Variants in IL1RAPL1 observed in about 807,000 individuals in gnomAD.
IL1RAPL1 encodes interleukin 1 receptor accessory protein like 1, also known as interleukin-1 receptor accessory protein-like 1.
Under a neutral mutation model 48.4 loss-of-function variants are expected in IL1RAPL1, and 3 were observed. The observed-to-expected ratio is 0.06, with a 90% confidence interval of 0.03 to 0.16. IL1RAPL1 has a LOEUF of 0.16. Among genes scored for constraint, IL1RAPL1 ranks in the 10% least tolerant of loss-of-function variants. The pLI is 1.00. For missense variants in IL1RAPL1, 349 were observed against 530.6 expected, an observed-to-expected ratio of 0.66 and a Z score of 3.36; for synonymous variants, 185 against 187.7, an observed-to-expected ratio of 0.99 and a Z score of 0.12.
intron 2 of IL1RAPL1, among the ~76,000 whole-genome samples, chrX:29,048,796 A>G (rs1278096029): frequency 8.9e-6 from 1 of 112,220 alleles, no homozygotes; most frequent in Non-Finnish European, 1.9e-5. Context: ...TTTTTATCAA[A>G]TGTAAGATGC....
At chrX:28,954,365 G>A (rs1398007986) in intron 2 of IL1RAPL1, among the ~76,000 whole-genome samples, 5 of 110,281 alleles carry the variant, frequency 4.5e-5, no homozygotes, top group African/African-American at 1.6e-4. Context: ...TATCATTTTA[G>A]CACTTCAGAA....
At chrX:28,967,123 C>G (rs1475944204) in intron 2 of IL1RAPL1, among the ~76,000 whole-genome samples, 2 of 111,970 alleles carry the variant, frequency 1.8e-5, no homozygotes, top group African/African-American at 6.5e-5. Flanking sequence ...TGCCCAGTTA[C>G]ATGAACACTG....
intron 6 of IL1RAPL1, among the ~76,000 whole-genome samples, chrX:29,814,099 A>G (rs766528279): frequency 4.5e-5 from 5 of 111,960 alleles, no homozygotes; most frequent in Non-Finnish European, 7.5e-5. Flanking sequence ...TCCTTTGGGC[A>G]TATACCCAGT....
rs1251136483 is a variant in IL1RAPL1 at position 29,941,787 on chromosome X, C to T, written c.1194C>T (p.Leu398=). 1 of 1,202,869 alleles carries T rather than the reference C, an allele frequency of 8.3e-7. No homozygotes were observed. The highest frequency in any genetic ancestry group is 1.1e-6 in the Non-Finnish European group (1 of 889,269). ...GGAATCATTTTGGAGCTGAAGAGCT[C>T]GATGGAGGTAGGATGTTACCTCTTT... ...FYRNHFGAEE[L]DGDNKDYDAY... Residue 398 remains leucine, a synonymous_variant, in exon 9 of 11, where the codon CTC becomes CTT. Transcript: ENST00000378993.
chrX:29,310,969 G>GT (rs1308968701), intron 3 of IL1RAPL1, among the ~76,000 whole-genome samples: 1 of 111,398 alleles, frequency 9.0e-6, no homozygotes, highest in African/African-American at 3.3e-5. Context: ...CTAAATTGGT[G>GT]TTTTTTTCCC....
chrX:28,657,058 C>T (rs1469014042), intron 1 of IL1RAPL1, among the ~76,000 whole-genome samples: 1 of 109,694 alleles, frequency 9.1e-6, no homozygotes, highest in Non-Finnish European at 1.9e-5. Flanking sequence ...ATTTTACACC[C>T]CTACCAGACT....
At chrX:29,738,135 A>G (rs986949587) in intron 6 of IL1RAPL1, among the ~76,000 whole-genome samples, 4 of 112,140 alleles carry the variant, frequency 3.6e-5, no homozygotes, top group Non-Finnish European at 7.5e-5. Flanking sequence ...CTTCCAGGCT[A>G]CTTTGCGAAT....
At position 29,168,571 on chromosome X, in the gene IL1RAPL1, ACACACACAATTG is replaced by A. The variant is rs1342500578; in HGVS notation, c.83-114366_83-114355del. Among the ~76,000 whole-genome samples the A allele has an allele frequency of 5.6e-4, 53 of 94,048 alleles. 1 individual carries two copies. The highest frequency in any genetic ancestry group is 9.8e-4 in the East Asian group (3 of 3,064). 81.7% of individuals were successfully genotyped at this position (94,048 alleles called of 115,157 possible). A position where few individuals can be genotyped will look rare whatever the true frequency, so the allele number is the denominator to read the frequency against. On this transcript the variant is annotated intron_variant, in intron 2 of 10. Coordinates refer to ENST00000378993, the MANE Select transcript of IL1RAPL1 (RefSeq NM_014271.4). ...TATTCAATTGTATATATATATATATACACACACAATTGTATATATATATTCATATATACAATT... is the reference window on the plus strand; with the variant it reads ...TATTCAATTGTATATATATATATATATATATATATATTCATATATACAATT...
chrX:29,767,774 A>T (rs6526926), intron 6 of IL1RAPL1, among the ~76,000 whole-genome samples: 1 of 111,282 alleles, frequency 9.0e-6, no homozygotes, highest in African/African-American at 3.3e-5. Flanking sequence ...AAAACTGCGC[A>T]GTAAACTTCT....
intron 2 of IL1RAPL1, among the ~76,000 whole-genome samples, chrX:29,281,159 T>C (rs1263375360): frequency 9.0e-6 from 1 of 111,678 alleles, no homozygotes; most frequent in East Asian, 2.8e-4. Context: ...AGCTGTTAGA[T>C]TGCCCTCTTA....
intron 2 of IL1RAPL1, among the ~76,000 whole-genome samples, chrX:29,141,210 T>TTA (rs755523966): frequency 0.023 from 2,444 of 107,061 alleles, 55 homozygotes; most frequent in African/African-American, 0.075. Flanking sequence ...TATTATGAGA[T>TTA]TATATATATA....
chrX:28,772,062 T>C (rs945030642), intron 1 of IL1RAPL1, among the ~76,000 whole-genome samples: 1 of 111,489 alleles, frequency 9.0e-6, no homozygotes, highest in Non-Finnish European at 1.9e-5. Flanking sequence ...GTTTCACTGT[T>C]ACTGACAACT....
intron 2 of IL1RAPL1, among the ~76,000 whole-genome samples, chrX:29,218,854 A>G (rs1306728010): frequency 8.9e-6 from 1 of 112,358 alleles, no homozygotes; most frequent in Non-Finnish European, 1.9e-5. Context: ...AAATCACTTA[A>G]TGACAAAAGT....
chrX:29,223,984 G>A (rs1345700719), intron 2 of IL1RAPL1, among the ~76,000 whole-genome samples: 3 of 110,983 alleles, frequency 2.7e-5, no homozygotes, highest in South Asian at 3.9e-4. Context: ...TCTCCTGTAC[G>A]CACACACAAT....
At chrX:29,413,981 G>A (rs1265317217) in intron 5 of IL1RAPL1, among the ~76,000 whole-genome samples, 8 of 110,604 alleles carry the variant, frequency 7.2e-5, no homozygotes, top group African/African-American at 2.6e-4. Flanking sequence ...GACTATTACA[G>A]TCACTTATTT....
intron 2 of IL1RAPL1, among the ~76,000 whole-genome samples, chrX:29,272,476 A>G (rs1932056195): frequency 9.0e-6 from 1 of 111,701 alleles, no homozygotes; most frequent in South Asian, 3.7e-4. Context: ...TTCTGAATAT[A>G]GGCCCCCAAT....
At chrX:29,620,845 C>T (rs1412403471) in intron 5 of IL1RAPL1, among the ~76,000 whole-genome samples, 1 of 112,507 alleles carries the variant, frequency 8.9e-6, no homozygotes, top group Non-Finnish European at 1.9e-5. Context: ...GTCAGTCTTT[C>T]TTAACTTGGG....
chrX:29,262,430 G>A (rs1034832440), intron 2 of IL1RAPL1, among the ~76,000 whole-genome samples: 4 of 111,187 alleles, frequency 3.6e-5, no homozygotes, highest in African/African-American at 9.8e-5. Context: ...TTGGGAGGCC[G>A]AGGTCGGCAG....
intron 5 of IL1RAPL1, among the ~76,000 whole-genome samples, chrX:29,595,788 T>A (rs1225033179): frequency 8.9e-6 from 1 of 112,045 alleles, no homozygotes; most frequent in Non-Finnish European, 1.9e-5. Context: ...GCTTTTGGGT[T>A]CTTGGTCATG....
Sources: allele counts gnomAD v4.1 joint callset (sites outside exome capture counted in the v4.1 genomes callset), GRCh38; gene constraint gnomAD v4.1.1; transcripts MANE v1.5; gene names NCBI Gene and HGNC (gene_info 2026-07-23, HGNC 2026-07-21).